The following SCML2 variants were observed in gnomAD, a reference collection of about 807,000 sequenced individuals.
SCML2 encodes the protein Scm polycomb group protein like 2.
Under a neutral mutation model 48.4 loss-of-function variants are expected in SCML2, and 6 were observed. That is an observed-to-expected ratio of 0.12 (90% confidence interval 0.07 to 0.24). The LOEUF (loss-of-function observed/expected upper bound fraction) is 0.24. Ranked by LOEUF, SCML2 falls within the 10% of genes least tolerant of loss-of-function variation. The probability of loss-of-function intolerance (pLI) is 1.00; values close to 1 mark genes in which losing one functional copy is unlikely to be tolerated. For synonymous variants in SCML2, 181 were observed against 189.5 expected (o/e 0.95, Z 0.37); for missense variants, 377 against 528.2 (o/e 0.71, Z 2.81).
chrX:18,314,794 A>C (rs1929060978), intron 6 of SCML2, among the ~76,000 whole-genome samples: 1 of 111,676 alleles, frequency 9.0e-6, no homozygotes, highest in Admixed American at 9.5e-5. Context: ...AATGCTATAG[A>C]AGTATAGGAA....
At chrX:18,317,846 A>AAAG (rs1326937647) in intron 6 of SCML2, among the ~76,000 whole-genome samples, 5 of 109,033 alleles carry the variant, frequency 4.6e-5, no homozygotes, top group Admixed American at 9.8e-5. Flanking sequence ...AAAAAAAAAA[A>AAAG]AAAAAAAGAA....
At chrX:18,336,089 C>G (rs1929802154) in intron 1 of SCML2, among the ~76,000 whole-genome samples, 1 of 111,399 alleles carries the variant, frequency 9.0e-6, no homozygotes, top group Non-Finnish European at 1.9e-5. Flanking sequence ...AATATTTGGT[C>G]AATTGATTTT....
At chrX:18,258,799 G>C (rs1018385798) in intron 9 of SCML2, among the ~76,000 whole-genome samples, 16 of 110,729 alleles carry the variant, frequency 1.4e-4, no homozygotes, top group Non-Finnish European at 2.6e-4. Context: ...AAATAAAAAT[G>C]TTCCTTCTAT....
chrX:18,333,594 T>C (rs1401067226), intron 2 of SCML2, among the ~76,000 whole-genome samples: 1 of 111,990 alleles, frequency 8.9e-6, no homozygotes, highest in Non-Finnish European at 1.9e-5. Context: ...GTACTCAGCA[T>C]TCAGCCAGAG....
rs1282156874 is a variant in SCML2 at position 18,265,725 on chromosome X, T to C, written c.808A>G (p.Lys270Glu). The stretch of plus-strand genomic sequence containing the variant: ...TGTGTTGGTAATATTAGAGTAGTTT[T>C]CTGTGGAGACTGCATTGAATGCTGG... ...ASQHSMQSPQKTTLILPTQQV... is the reference protein window; with the variant it reads ...ASQHSMQSPQETTLILPTQQV... Residue 270 changes from lysine to glutamate, a missense_variant, in exon 8 of 15, where the codon AAA becomes GAA. By Grantham distance (56) the Lys-to-Glu change is moderately conservative. Around this residue, in one of 3 missense-constraint regions of SCML2, gnomAD observed 299 missense variants for 425.5 expected, o/e 0.70. Coordinates refer to ENST00000251900, the MANE Select transcript of SCML2 (RefSeq NM_006089.3). 1 of 1,210,974 alleles carries C rather than the reference T, an allele frequency of 8.3e-7. No individual in the cohort carries two copies. Among genetic ancestry groups the C allele is most frequent in the Non-Finnish European group, 1.1e-6 (1 of 894,884 alleles).
Position 18,246,704 on chromosome X carries a change from A to T in SCML2, c.1695T>A (p.Ile565=). The T allele has an allele frequency of 8.3e-7, 1 of 1,210,419 alleles. No homozygotes were observed. The part of the protein sequence containing the change: ...LNPACRNPMY[I]HTSVSQDFSR... ...AAAAATCCTGGGAGACTGAAGTATG[A>T]ATATACATAGGATTTCTACAGGCAG... Residue 565 remains isoleucine (I), a synonymous_variant, in exon 13 of 15, where the codon ATT becomes ATA. Coordinates refer to ENST00000251900, the MANE Select transcript of SCML2 (RefSeq NM_006089.3).
At chrX:18,294,320 C>T (rs946166676) in intron 7 of SCML2, among the ~76,000 whole-genome samples, 4 of 111,020 alleles carry the variant, frequency 3.6e-5, no homozygotes, top group South Asian at 3.9e-4. Context: ...AAGAGAGGAA[C>T]GCAAGACAGC....
At chrX:18,317,828 C>T (rs1280591407) in intron 6 of SCML2, among the ~76,000 whole-genome samples, 5 of 78,243 alleles carry the variant, frequency 6.4e-5, no homozygotes, top group South Asian at 6.6e-4. Context: ...AGCGAGACTC[C>T]GTCTCAAAAA....
At chrX:18,315,529 A>G (rs1472596415) in intron 6 of SCML2, among the ~76,000 whole-genome samples, 1 of 111,673 alleles carries the variant, frequency 9.0e-6, no homozygotes, top group Non-Finnish European at 1.9e-5. Flanking sequence ...GGAGAGCCTT[A>G]TAAAAGTTGT....
upstream of SCML2, chrX:18,354,805 C>T (rs1238622038): frequency 2.3e-4 from 32 of 139,686 alleles, no homozygotes; most frequent in Admixed American, 2.7e-3. Context: ...GTGCGGGGCC[C>T]GAGCCGGGGT....
rs373441860 is a variant in SCML2, at chrX:18,330,596, C to T, written c.82G>A (p.Val28Ile). The T allele has an allele frequency of 4.1e-5, 48 of 1,157,145 alleles. No individual in the cohort carries two copies. The highest frequency in any genetic ancestry group is 5.3e-5 in the Non-Finnish European group (45 of 856,761). Reference protein sequence around the residue: ...EKTPQSSTSSVQRDDFHWEEY... With the variant: ...EKTPQSSTSSIQRDDFHWEEY... ...TTACTTTAAAACCTACCCCTTTGTA[C>T]AGAAGATGTACTTGACTGAGGAGTT... The change falls in exon 3 of 15, where the codon GTA (valine) becomes ATA (isoleucine). Residue 28 changes from valine (V) to isoleucine (I), a missense_variant. Transcript: ENST00000251900.
chrX:18,243,996 A>G (rs1926355910), intron 13 of SCML2, among the ~76,000 whole-genome samples: 1 of 112,173 alleles, frequency 8.9e-6, no homozygotes, highest in African/African-American at 3.2e-5. Context: ...ATATTTACCT[A>G]GGGGAAGGAT....
At chrX:18,346,661 T>TATAAA (rs1930211088) in intron 1 of SCML2, among the ~76,000 whole-genome samples, 1 of 112,538 alleles carries the variant, frequency 8.9e-6, no homozygotes, top group East Asian at 2.8e-4. Flanking sequence ...ACACTACTTT[T>TATAAA]AGACTTGAAC....
chrX:18,257,042 A>G lies in SCML2; in HGVS notation c.1274-12T>C, dbSNP rs1569139278. 2.6e-6 allele frequency: 3 copies of G among 1,132,883 alleles called. No homozygotes were observed. Among genetic ancestry groups the G allele is most frequent in the Middle Eastern group, 2.5e-4 (1 of 4,028 alleles). 93.4% of individuals were successfully genotyped at this position (1,132,883 alleles called of 1,213,427 possible). On this transcript the variant is annotated splice_polypyrimidine_tract_variant and intron_variant, in intron 10 of 14. Transcript: ENST00000251900. ...CCCATCAAAGGAGGCTATTGGGGGAAAAAAAAGGATGTCAGTAACCTCAGA... is the reference window on the plus strand; with the variant it reads ...CCCATCAAAGGAGGCTATTGGGGGAGAAAAAAGGATGTCAGTAACCTCAGA...
rs921887572 is a variant in SCML2 at position 18,279,745 on chromosome X, G to C, written c.731-13943C>G. Among the ~76,000 whole-genome samples, 3 of 111,880 alleles carry C rather than the reference G, an allele frequency of 2.7e-5. No individual in the cohort carries two copies. The South Asian group carries it at 1.1e-3, about 41-fold the overall frequency. On this transcript the variant is annotated intron_variant, in intron 7 of 14. Transcript: ENST00000251900. ...ATCAAAAGTATTAACAAGTAGAAGA[G>C]ACCAAGCTGAGGAAAGAATCTCAAG...
At chrX:18,275,317 C>T (rs1235149876) in intron 7 of SCML2, among the ~76,000 whole-genome samples, 1 of 112,525 alleles carries the variant, frequency 8.9e-6, no homozygotes, top group Non-Finnish European at 1.9e-5. Context: ...TCTGTCTTCA[C>T]AGAGATCGAT....
At chrX:18,274,039 C>T (rs1927548385) in intron 7 of SCML2, among the ~76,000 whole-genome samples, 1 of 111,904 alleles carries the variant, frequency 8.9e-6, no homozygotes, top group South Asian at 3.8e-4. Context: ...AACCTCATTC[C>T]TCCTGGATGC....
chrX:18,255,059 C>T (rs1926792087), intron 11 of SCML2, among the ~76,000 whole-genome samples: 1 of 111,493 alleles, frequency 9.0e-6, no homozygotes, highest in Non-Finnish European at 1.9e-5. Context: ...CCCTTCCTAG[C>T]CATCTTCCAA....
chrX:18,256,471 C>A (rs1000305660), intron 11 of SCML2, among the ~76,000 whole-genome samples: 1 of 110,898 alleles, frequency 9.0e-6, no homozygotes, highest in African/African-American at 3.3e-5. Context: ...ACAACAAAAC[C>A]GTATCATCAT....
Sources: allele counts gnomAD v4.1 joint callset (sites outside exome capture counted in the v4.1 genomes callset), GRCh38; gene constraint gnomAD v4.1.1; regional missense constraint gnomAD v4.1.1; transcripts MANE v1.5; gene names NCBI Gene and HGNC (gene_info 2026-07-23, HGNC 2026-07-21).